Variants in KCNK12 observed in about 807,000 individuals in gnomAD.
KCNK12 encodes the protein potassium channel subfamily K member 12.
In KCNK12, 6 loss-of-function variants were observed where a neutral mutation model predicts 25.3. The ratio of observed to expected loss-of-function variants is 0.24; its 90% CI spans 0.13 to 0.47. KCNK12 has a LOEUF of 0.47. Ranked by LOEUF, KCNK12 falls within the 20% of genes least tolerant of loss-of-function variation. The pLI is 0.99. For synonymous variants in KCNK12, 331 were observed against 311.1 expected (o/e 1.06, Z -0.67); for missense variants, 444 against 661.7 (o/e 0.67, Z 3.61).
intron 1 of KCNK12, among the ~76,000 whole-genome samples, chr2:47,552,611 TA>T (rs1669461613): frequency 1.3e-5 from 2 of 151,918 alleles, no homozygotes; most frequent in African/African-American, 4.8e-5. Flanking sequence ...CTACTAAAAA[TA>T]CAAAAATTAG....
Position 47,551,146 on chromosome 2 carries a change from C to T in KCNK12, c.391+18795G>A, listed in dbSNP as rs1360527538. On this transcript the variant is annotated intron_variant, in intron 1 of 1. Coordinates refer to ENST00000327876, the MANE Select transcript of KCNK12 (RefSeq NM_022055.2). This position sits in a 1 kb window ranked among gnomAD's most constrained non-coding sequence, Gnocchi z 5.3. Reference sequence around the variant, plus strand: ...GTCTCTGGCTACTGCTCTGAGCTCACATTCTAACTCCCACTTGCCCCTCCT... The same window carrying T: ...GTCTCTGGCTACTGCTCTGAGCTCATATTCTAACTCCCACTTGCCCCTCCT... Among the ~76,000 whole-genome samples, 1 of 152,192 alleles carries T rather than the reference C, an allele frequency of 6.6e-6. No homozygotes were observed. Among genetic ancestry groups the T allele is most frequent in the African/African-American group, 2.4e-5 (1 of 41,438 alleles).
chr2:47,530,552 T>C (rs1369175689), intron 1 of KCNK12, among the ~76,000 whole-genome samples: 1 of 152,198 alleles, frequency 6.6e-6, no homozygotes, highest in African/African-American at 2.4e-5. Flanking sequence ...GTATCGAGCC[T>C]CACTATTTCC....
rs561580919 is a variant in KCNK12, at chr2:47,552,634, GGT to G, written c.391+17305_391+17306del. Reference sequence around the variant, plus strand: ...AATACAAAAATTAGCTGGGCATGGTGGTGCATGTCTGTAATCCCAGCTACTCA... The same window carrying G: ...AATACAAAAATTAGCTGGGCATGGTGGCATGTCTGTAATCCCAGCTACTCA... On this transcript the variant is annotated intron_variant, in intron 1 of 1. Coordinates refer to ENST00000327876, the MANE Select transcript of KCNK12 (RefSeq NM_022055.2). 5.9e-3 allele frequency among the ~76,000 whole-genome samples: 892 copies of G among 152,196 alleles called. 8 individuals are homozygous for G. The highest frequency in any genetic ancestry group is 0.02 in the African/African-American group (849 of 41,516).
rs2104912860 is a variant in KCNK12, at chr2:47,570,489, C to T, written c.-158G>A. The T allele has an allele frequency of 1.3e-6, 1 of 748,786 alleles. No homozygotes were observed. Among genetic ancestry groups the T allele is most frequent in the South Asian group, 6.8e-5 (1 of 14,800 alleles). 46.4% of individuals were successfully genotyped at this position (748,786 alleles called of 1,614,324 possible). A position where few individuals can be genotyped will look rare whatever the true frequency, so the allele number is the denominator to read the frequency against. On this transcript the variant is annotated 5_prime_UTR_variant, in exon 1 of 2. Transcript: ENST00000327876. The stretch of plus-strand genomic sequence containing the variant: ...GAGCCCCTCGTCGCCTTCCCAGAGC[C>T]CGGACAGAGGGGCGCCTCCGCCTCC...
Position 47,538,157 on chromosome 2 carries a change from T to C in KCNK12, c.392-16349A>G, listed in dbSNP as rs1647279720. Reference sequence around the variant, plus strand: ...AGGAACTGTGCTAGGCCCTTGGGATTCAACAGTGATCTAAAAGACAAAGTC... The same window carrying C: ...AGGAACTGTGCTAGGCCCTTGGGATCCAACAGTGATCTAAAAGACAAAGTC... On this transcript the variant is annotated intron_variant, in intron 1 of 1. Coordinates refer to ENST00000327876, the MANE Select transcript of KCNK12 (RefSeq NM_022055.2). This position sits in a 1 kb window ranked among gnomAD's most constrained non-coding sequence, Gnocchi z 4.5. Among the ~76,000 whole-genome samples, 1 of 152,214 alleles carries C rather than the reference T, an allele frequency of 6.6e-6. No individual in the cohort carries two copies. Among genetic ancestry groups the C allele is most frequent in the African/African-American group, 2.4e-5 (1 of 41,452 alleles).
intron 1 of KCNK12, among the ~76,000 whole-genome samples, chr2:47,561,011 G>T (rs977915246): frequency 6.6e-6 from 1 of 152,194 alleles, no homozygotes; most frequent in Non-Finnish European, 1.5e-5. Flanking sequence ...CACACATGGG[G>T]CTATTTGCTG....
intron 1 of KCNK12, among the ~76,000 whole-genome samples, chr2:47,526,756 C>T (rs1249423861): frequency 1.3e-5 from 2 of 151,648 alleles, no homozygotes; most frequent in Non-Finnish European, 3.0e-5. Context: ...AACCCCAAAA[C>T]ACAAAAAGAC....
Position 47,512,439 on chromosome 2 carries a change from G to A in KCNK12, c.*8468C>T. Reference sequence around the variant, plus strand: ...GGCAGTGGTGAGCTCTCATGACCTGGTGTCTGTTGCCTTCTGGTTAAGTTT... The same window carrying A: ...GGCAGTGGTGAGCTCTCATGACCTGATGTCTGTTGCCTTCTGGTTAAGTTT... On this transcript the variant is annotated 3_prime_UTR_variant, in exon 2 of 2. Coordinates refer to ENST00000327876, the MANE Select transcript of KCNK12 (RefSeq NM_022055.2). The A allele has an allele frequency of 6.3e-7, 1 of 1,597,054 alleles. No individual in the cohort carries two copies. Among genetic ancestry groups the A allele is most frequent in the Middle Eastern group, 1.7e-4 (1 of 6,012 alleles).
rs577861528 is a variant in KCNK12 at position 47,538,016 on chromosome 2, C to A, written c.392-16208G>T. On this transcript the variant is annotated intron_variant, in intron 1 of 1. Coordinates refer to ENST00000327876, the MANE Select transcript of KCNK12 (RefSeq NM_022055.2). This position sits in a 1 kb window ranked among gnomAD's most constrained non-coding sequence, Gnocchi z 4.5. Reference sequence around the variant, plus strand: ...TGTGGATAAGACTTTCCAGGGAGCACGTGTGGTATGAGAATGAAGGCCCCT... The same window carrying A: ...TGTGGATAAGACTTTCCAGGGAGCAAGTGTGGTATGAGAATGAAGGCCCCT... Among the ~76,000 whole-genome samples, 2 of 152,072 alleles carry A rather than the reference C, an allele frequency of 1.3e-5. No individual in the cohort carries two copies. The highest frequency in any genetic ancestry group is 2.9e-5 in the Non-Finnish European group (2 of 68,020).
Position 47,519,479 on chromosome 2 carries a change from A to G in KCNK12, c.*1428T>C, listed in dbSNP as rs1668600143. 1.3e-5 allele frequency: 2 copies of G among 152,076 alleles called. No individual in the cohort carries two copies. 9.4% of individuals were successfully genotyped at this position (152,076 alleles called of 1,614,324 possible). A position where few individuals can be genotyped will look rare whatever the true frequency, so the allele number is the denominator to read the frequency against. ...TCTGGCACCTGTCCTTGCCCTCATC[A>G]TATATGAGAAAAATGGGCAGAGAGA... On this transcript the variant is annotated 3_prime_UTR_variant, in exon 2 of 2. Transcript: ENST00000327876.
rs557725245 is a variant in KCNK12, at chr2:47,516,037, G to A, written c.*4870C>T. On this transcript the variant is annotated 3_prime_UTR_variant, in exon 2 of 2. Transcript: ENST00000327876. ...TCGTAAGACCGCTGGGAGGTGGGGG[G>A]ATGGTATCATCATCCCACTTTAGAG... Among the ~76,000 whole-genome samples, 9 of 152,270 alleles carry A rather than the reference G, an allele frequency of 5.9e-5. No homozygotes were observed. In the East Asian group the frequency reaches 7.7e-4, roughly 13 times the overall value.
intron 1 of KCNK12, among the ~76,000 whole-genome samples, chr2:47,553,646 ATCT>A (rs1175442776): frequency 6.6e-6 from 1 of 152,216 alleles, no homozygotes; most frequent in Non-Finnish European, 1.5e-5. Context: ...AAGTGCCAGA[ATCT>A]TCTTCTAAAA....
At chr2:47,546,968 T>TCTCCA (rs1669328229) in intron 1 of KCNK12, among the ~76,000 whole-genome samples, 1 of 152,016 alleles carries the variant, frequency 6.6e-6, no homozygotes, top group African/African-American at 2.4e-5. Flanking sequence ...TGGAGAGACT[T>TCTCCA]GGGTGTGGGA....
chr2:47,514,465 C>G lies in KCNK12; in HGVS notation c.*6442G>C, dbSNP rs1045839145. On this transcript the variant is annotated 3_prime_UTR_variant, in exon 2 of 2. Transcript: ENST00000327876. The surrounding 1 kb of genome is among the most constrained non-coding windows in gnomAD (Gnocchi z 5.0). ...CCCCAAACTAGACGAGTTACTTGAC[C>G]TCTCTGACCCAAGACAAAATGGGAG... 2.0e-5 allele frequency among the ~76,000 whole-genome samples: 3 copies of G among 152,228 alleles called. No homozygotes were observed. The highest frequency in any genetic ancestry group is 7.2e-5 in the African/African-American group (3 of 41,456).
Position 47,557,033 on chromosome 2 carries a change from G to A in KCNK12, c.391+12908C>T, listed in dbSNP as rs185147506. ...TGGATGCATCATCTGTGGGAGGCTG[G>A]AGAAGGCTGGAGAGGAACTCAGTGA... On this transcript the variant is annotated intron_variant, in intron 1 of 1. Transcript: ENST00000327876. This position sits in a 1 kb window ranked among gnomAD's most constrained non-coding sequence, Gnocchi z 4.9. Among the ~76,000 whole-genome samples, 226 of 152,330 alleles carry A rather than the reference G, an allele frequency of 1.5e-3. No homozygotes were observed. The highest frequency in any genetic ancestry group is 2.7e-3 in the Non-Finnish European group (186 of 68,040).
Position 47,516,603 on chromosome 2 carries a change from G to C in KCNK12, c.*4304C>G, listed in dbSNP as rs554642605. On this transcript the variant is annotated 3_prime_UTR_variant, in exon 2 of 2. Coordinates refer to ENST00000327876, the MANE Select transcript of KCNK12 (RefSeq NM_022055.2). ...GGTGGCAGGCTGCATTTTATTCATC[G>C]TTAATTTAAACACCCTTCAAGTCCT... 6.6e-6 allele frequency: 1 copy of C among 152,210 alleles called. No individual in the cohort carries two copies. The highest frequency in any genetic ancestry group is 1.5e-5 in the Non-Finnish European group (1 of 68,066). 9.4% of individuals were successfully genotyped at this position (152,210 alleles called of 1,614,324 possible).
Position 47,521,472 on chromosome 2 carries a change from T to C in KCNK12, c.728A>G (p.Tyr243Cys), listed in dbSNP as rs1475930571. The change falls in exon 2 of 2, where the codon TAC becomes TGC. Residue 243 changes from tyrosine to cysteine, a missense_variant. By Grantham distance (194) the Tyr-to-Cys change is radical. This residue lies in a region of KCNK12 where 56 missense variants were observed against 135.7 expected (regional missense o/e 0.41). Transcript: ENST00000327876. ...GAAGCAGAAGTAGAGCGAGTCCACG[T>C]AGTCCCAGCCCTCCACGCTGGTGTA... Reference protein sequence around the residue: ...AMYTSVEGWDYVDSLYFCFVT... With the variant: ...AMYTSVEGWDCVDSLYFCFVT... 1 of 1,611,184 alleles carries C rather than the reference T, an allele frequency of 6.2e-7. No homozygotes were observed. Among genetic ancestry groups the C allele is most frequent in the Non-Finnish European group, 8.5e-7 (1 of 1,178,840 alleles).
At chr2:47,535,177 G>A in intron 1 of KCNK12, 1 of 232,446 alleles carries the variant, frequency 4.3e-6, no homozygotes, top group East Asian at 6.1e-5. Flanking sequence ...CTTCAAAGGA[G>A]GAATAAAGAT....
intron 1 of KCNK12, among the ~76,000 whole-genome samples, chr2:47,522,650 T>C (rs1668683967): frequency 6.6e-6 from 1 of 152,220 alleles, no homozygotes; most frequent in African/African-American, 2.4e-5. Flanking sequence ...AATTCTTTGT[T>C]ATTTTTTCTA....
Sources: allele counts gnomAD v4.1 joint callset (sites outside exome capture counted in the v4.1 genomes callset), GRCh38; gene constraint gnomAD v4.1.1; regional missense constraint gnomAD v4.1.1; non-coding constraint Gnocchi (gnomAD v3.1); transcripts MANE v1.5; gene names NCBI Gene and HGNC (gene_info 2026-07-23, HGNC 2026-07-21).